MYO5B: variants seen among roughly 807,000 people sequenced by gnomAD.
The protein encoded by MYO5B is myosin VB.
Under a neutral mutation model 229.3 loss-of-function variants are expected in MYO5B, and 143 were observed. The observed-to-expected ratio is 0.62, with a 90% CI of 0.54 to 0.72. MYO5B has a LOEUF of 0.72. Ranked by LOEUF, MYO5B falls within the 30% of genes least tolerant of loss-of-function variation. The pLI is 0.00. For missense variants in MYO5B, 2,321 were observed against 2,331.0 expected (o/e 1.00, Z 0.09); for synonymous variants, 918 against 885.2 (o/e 1.04, Z -0.66).
chr18:50,042,376 T>C (rs1261418815), intron 2 of MYO5B, among the ~76,000 whole-genome samples: 1 of 152,216 alleles, frequency 6.6e-6, no homozygotes, highest in Non-Finnish European at 1.5e-5. Context: ...AAAGGCTAGA[T>C]GGATGACCGT....
Position 49,985,226 on chromosome 18 carries a change from T to G in MYO5B, c.839-401A>C, listed in dbSNP as rs374637632. 5.3e-5 allele frequency among the ~76,000 whole-genome samples: 8 copies of G among 152,268 alleles called. No homozygotes were observed. The South Asian group carries it at 1.2e-3, about 24-fold the overall frequency. On this transcript the variant is annotated intron_variant, in intron 7 of 39. Transcript: ENST00000285039. ...CTTACATAATCTCAGTCCGACAAGC[T>G]CATTTGACAAATGAGGAACAGTGAT...
rs2031648140 is a variant in MYO5B, at chr18:50,101,202, T to A, written c.28-45824A>T. ...ATGACGAGTATGTGAATTAGCTTGA[T>A]GATAATCATTCCGCAATGTATATGT... On this transcript the variant is annotated intron_variant, in intron 1 of 39. Coordinates refer to ENST00000285039, the MANE Select transcript of MYO5B (RefSeq NM_001080467.3). 7.9e-5 allele frequency among the ~76,000 whole-genome samples: 12 copies of A among 152,292 alleles called. No individual in the cohort carries two copies. In the South Asian group the frequency reaches 2.5e-3, roughly 32 times the overall value.
At chr18:49,972,203 G>C (rs534814898) in intron 10 of MYO5B, among the ~76,000 whole-genome samples, 3 of 152,132 alleles carry the variant, frequency 2.0e-5, no homozygotes, top group African/African-American at 7.2e-5. Flanking sequence ...CCATCCTTGC[G>C]ATCTATTTCT....
chr18:50,023,367 C>A (rs981271250), intron 4 of MYO5B, among the ~76,000 whole-genome samples: 1 of 152,126 alleles, frequency 6.6e-6, no homozygotes, highest in Non-Finnish European at 1.5e-5. Flanking sequence ...TATGCCAAAC[C>A]AAGCTGCGGC....
At chr18:50,152,009 T>C (rs1349417714) in intron 1 of MYO5B, among the ~76,000 whole-genome samples, 6 of 152,202 alleles carry the variant, frequency 3.9e-5, no homozygotes, top group African/African-American at 1.4e-4. Flanking sequence ...TGATCCAAGA[T>C]GGCTGGGGGC....
chr18:49,902,395 C>A (rs1331269984), intron 21 of MYO5B, among the ~76,000 whole-genome samples, 199 bp downstream of exon 21: 1 of 152,238 alleles, frequency 6.6e-6, no homozygotes, highest in African/African-American at 2.4e-5. Flanking sequence ...TAAGGTAACA[C>A]ACTCACAGAT....
At chr18:50,160,145 C>T (rs186177924) in intron 1 of MYO5B, among the ~76,000 whole-genome samples, 31 of 152,368 alleles carry the variant, frequency 2.0e-4, no homozygotes, top group Admixed American at 1.6e-3. Flanking sequence ...AGAATATCCA[C>T]CGTAAGCATG....
At chr18:49,860,531 C>T (rs191529130) in intron 29 of MYO5B, among the ~76,000 whole-genome samples, 9 of 152,236 alleles carry the variant, frequency 5.9e-5, no homozygotes, top group African/African-American at 2.2e-4. Context: ...AGCAGCTCCT[C>T]AATAATAGCT....
intron 18 of MYO5B, among the ~76,000 whole-genome samples, chr18:49,907,898 C>G (rs1235079839): frequency 6.6e-6 from 1 of 152,254 alleles, no homozygotes; most frequent in Non-Finnish European, 1.5e-5. Context: ...ACTGGGCCTT[C>G]AGCTCATGCT....
chr18:50,171,026 C>G lies in MYO5B; in HGVS notation c.27+23741G>C, dbSNP rs1173651130. ...TGAGGCTCTCTCTCCTTGCAGCTAG[C>G]ATCCCCTCAGCTAGTATTTGCCAGG... is the stretch of plus-strand genomic sequence containing the variant. On this transcript the variant is annotated intron_variant, in intron 1 of 39. Transcript: ENST00000285039. Among the ~76,000 whole-genome samples, 2 of 127,156 alleles carry G rather than the reference C, an allele frequency of 1.6e-5. 1 individual carries two copies. Among genetic ancestry groups the G allele is most frequent in the African/African-American group, 6.0e-5 (2 of 33,466 alleles). The allele number at this position is 127,156 out of a possible 152,430, so 83.4% of individuals were successfully genotyped here. A position where few individuals can be genotyped will look rare whatever the true frequency, so the allele number is the denominator to read the frequency against.
In MYO5B at chr18:50,001,357, C is replaced by A. The variant is rs199862025; in HGVS notation, c.510G>T (p.Thr170=). The part of the protein sequence containing the change: ...IVSGESGAGK[T]VSAKYAMRYF... ...AGCGCATGGCATACTTGGCTGATAC[C>A]GTCTTCCCGGCTCCAGACTCCCCAC... Residue 170 remains threonine, a synonymous_variant, in exon 5 of 40, where the codon ACG becomes ACT. Coordinates refer to ENST00000285039, the MANE Select transcript of MYO5B (RefSeq NM_001080467.3). The A allele has an allele frequency of 6.2e-7, 1 of 1,614,038 alleles. No homozygotes were observed. Among genetic ancestry groups the A allele is most frequent in the South Asian group, 1.1e-5 (1 of 91,086 alleles).
Position 49,936,235 on chromosome 18 carries a change from G to A in MYO5B, c.2003+17C>T. ...CTAAGGCTGGGCTGGACAGGCTAAT[G>A]CCCAGCAGGCACTTACTGAAAGGGG... On this transcript the variant is annotated intron_variant, in intron 16 of 39. Coordinates refer to ENST00000285039, the MANE Select transcript of MYO5B (RefSeq NM_001080467.3). 2 of 1,570,880 alleles carry A rather than the reference G, an allele frequency of 1.3e-6. No individual in the cohort carries two copies. Among genetic ancestry groups the A allele is most frequent in the Non-Finnish European group, 1.7e-6 (2 of 1,153,962 alleles).
intron 3 of MYO5B, among the ~76,000 whole-genome samples, chr18:50,039,090 A>T (rs1342764613): frequency 6.6e-6 from 1 of 152,198 alleles, no homozygotes; most frequent in Non-Finnish European, 1.5e-5. Context: ...GGTGTCACTT[A>T]TGACAATGAG....
At chr18:50,088,825 C>T (rs1372282529) in intron 1 of MYO5B, among the ~76,000 whole-genome samples, 1 of 152,188 alleles carries the variant, frequency 6.6e-6, no homozygotes, top group African/African-American at 2.4e-5. Flanking sequence ...CATCAACACA[C>T]TTCTTTTGAA....
chr18:49,840,079 T>C (rs2024038825), intron 35 of MYO5B: 1 of 152,854 alleles, frequency 6.5e-6, no homozygotes, highest in African/African-American at 2.4e-5. Context: ...TTATTTGGAC[T>C]ACACGGATCT....
At chr18:49,861,985 C>G (rs1454731040) in intron 29 of MYO5B, among the ~76,000 whole-genome samples, 1 of 151,138 alleles carries the variant, frequency 6.6e-6, no homozygotes. Flanking sequence ...AGGGAAGAGG[C>G]CAGCTCCATG....
At chr18:50,160,104 C>T (rs2032742715) in intron 1 of MYO5B, among the ~76,000 whole-genome samples, 1 of 152,256 alleles carries the variant, frequency 6.6e-6, no homozygotes, top group African/African-American at 2.4e-5. Context: ...CCACAGTCAA[C>T]ACTTCCCAGC....
At chr18:50,084,365 T>C (rs1263975885) in intron 1 of MYO5B, among the ~76,000 whole-genome samples, 1 of 152,144 alleles carries the variant, frequency 6.6e-6, no homozygotes, top group African/African-American at 2.4e-5. Context: ...AATTTTCAAA[T>C]CCCTTCTTCT....
intron 1 of MYO5B, among the ~76,000 whole-genome samples, chr18:50,178,153 G>A (rs905198735): frequency 6.6e-6 from 1 of 152,090 alleles, no homozygotes; most frequent in Admixed American, 6.6e-5. Flanking sequence ...TCTGCTGTGG[G>A]GAGAGGGTAG....
Sources: gnomAD v4.1 joint callset for allele counts (sites outside exome capture counted in the v4.1 genomes callset) on GRCh38, gnomAD v4.1.1 for gene constraint, MANE v1.5 for transcripts, NCBI Gene and HGNC (gene_info 2026-07-23, HGNC 2026-07-21) for gene names.